The following RSU1 variants were observed in gnomAD, a reference collection of about 807,000 sequenced individuals.
RSU1 encodes the protein rsu-1.
A neutral mutation model predicts 31.1 loss-of-function variants in RSU1; 26 were observed. That is an observed-to-expected ratio of 0.84 (90% CI 0.61 to 1.16). The LOEUF (loss-of-function observed/expected upper bound fraction) is 1.16. RSU1 is among the 50% of genes most tolerant of loss of function. RSU1 has a pLI of 0.00. For missense variants in RSU1, 320 were observed against 339.1 expected (o/e 0.94, Z 0.44); for synonymous variants, 164 against 136.3 (o/e 1.20, Z -1.41).
At position 16,728,352 on chromosome 10, in the gene RSU1, C is replaced by T. The variant is rs562202503; in HGVS notation, c.598+24187G>A. Among the ~76,000 whole-genome samples, 9 of 152,170 alleles carry T rather than the reference C, an allele frequency of 5.9e-5. No homozygotes were observed. In the South Asian group the frequency reaches 1.7e-3, roughly 28 times the overall value. Reference sequence around the variant, plus strand: ...GAGCAAAATAAACTTCATTTCTCCCCAATATGAAGAATAAAAATCAGTCAC... The same window carrying T: ...GAGCAAAATAAACTTCATTTCTCCCTAATATGAAGAATAAAAATCAGTCAC... On this transcript the variant is annotated intron_variant, in intron 7 of 8. Transcript: ENST00000345264.
intron 7 of RSU1, among the ~76,000 whole-genome samples, chr10:16,724,690 T>A (rs1836348321): frequency 1.3e-5 from 2 of 152,184 alleles, no homozygotes; most frequent in Admixed American, 6.5e-5. Context: ...GGGGACATAG[T>A]GCTCACTCAT....
intron 8 of RSU1, among the ~76,000 whole-genome samples, chr10:16,631,885 C>A (rs1177183446): frequency 1.3e-5 from 2 of 152,180 alleles, no homozygotes; most frequent in Non-Finnish European, 2.9e-5. Context: ...CATCCATTTT[C>A]AAGTTTGGAT....
At chr10:16,645,908 ATGTATATATATG>A (rs1834539102) in intron 8 of RSU1, among the ~76,000 whole-genome samples, 4 of 77,826 alleles carry the variant, frequency 5.1e-5, no homozygotes, top group African/African-American at 7.8e-5. Flanking sequence ...ATACACATAT[ATGTATATATATG>A]TGTATATACA....
intron 8 of RSU1, among the ~76,000 whole-genome samples, chr10:16,634,661 G>GGTGTCTT (rs1443308147): frequency 1.3e-5 from 2 of 152,094 alleles, no homozygotes; most frequent in Non-Finnish European, 2.9e-5. Context: ...TGTACACAGA[G>GGTGTCTT]GTGTCTTTCT....
intron 7 of RSU1, among the ~76,000 whole-genome samples, chr10:16,734,684 G>T (rs1390808534): frequency 1.3e-5 from 2 of 152,138 alleles, no homozygotes; most frequent in Admixed American, 1.3e-4. Context: ...GAATAAGCAG[G>T]TGAACAATGC....
intron 4 of RSU1, among the ~76,000 whole-genome samples, chr10:16,763,149 T>C (rs1837243165): frequency 6.6e-6 from 1 of 152,140 alleles, no homozygotes; most frequent in Non-Finnish European, 1.5e-5. Context: ...GAGTGGGCAG[T>C]TTCATCTGAT....
chr10:16,679,887 T>G lies in RSU1; in HGVS notation c.731+15136A>C, dbSNP rs958718715. Among the ~76,000 whole-genome samples the G allele has an allele frequency of 1.1e-4, 17 of 149,440 alleles. 1 individual carries two copies. Among genetic ancestry groups the G allele is most frequent in the East Asian group, 3.9e-4 (2 of 5,094 alleles). On this transcript the variant is annotated intron_variant, in intron 8 of 8. Transcript: ENST00000345264. ...GACTCAAGTTTTTTTTTTTTTTTTT[T>G]TTTTTTTTTTATGAGACAGAGTCTC...
At chr10:16,600,768 G>T (rs1028195844) in intron 8 of RSU1, among the ~76,000 whole-genome samples, 2 of 152,052 alleles carry the variant, frequency 1.3e-5, no homozygotes, top group African/African-American at 4.8e-5. Context: ...TCACTATGTT[G>T]CTAGGCTGGT....
At position 16,690,670 on chromosome 10, in the gene RSU1, C is replaced by T. The variant is rs931196976; in HGVS notation, c.731+4353G>A. 3.3e-5 allele frequency among the ~76,000 whole-genome samples: 5 copies of T among 152,290 alleles called. No individual in the cohort carries two copies. In the South Asian group the frequency reaches 1.0e-3, roughly 32 times the overall value. On this transcript the variant is annotated intron_variant, in intron 8 of 8. Coordinates refer to ENST00000345264, the MANE Select transcript of RSU1 (RefSeq NM_012425.4). ...AGAGCCTATAAATCAGATCATCCAT[C>T]CTCTCTGCCCTAGACTCAGAAGAAC...
chr10:16,700,122 A>G (rs1302696212), intron 7 of RSU1, among the ~76,000 whole-genome samples: 1 of 152,208 alleles, frequency 6.6e-6, no homozygotes, highest in Non-Finnish European at 1.5e-5. Flanking sequence ...ATTCTTCCTG[A>G]GTATTCAAAA....
At chr10:16,659,911 G>C (rs951359886) in intron 8 of RSU1, among the ~76,000 whole-genome samples, 5 of 152,168 alleles carry the variant, frequency 3.3e-5, no homozygotes, top group African/African-American at 1.2e-4. Context: ...GGATTCCAAT[G>C]TTCTAGCGTT....
intron 8 of RSU1, among the ~76,000 whole-genome samples, chr10:16,599,687 G>A (rs937388260): frequency 6.6e-6 from 1 of 152,330 alleles, no homozygotes; most frequent in Non-Finnish European, 1.5e-5. Context: ...CACACAGTAG[G>A]CATTTCAGAA....
intron 7 of RSU1, among the ~76,000 whole-genome samples, chr10:16,697,707 A>G (rs1054501456): frequency 6.6e-6 from 1 of 151,992 alleles, no homozygotes; most frequent in African/African-American, 2.4e-5. Context: ...TGCAAAGTAG[A>G]TGAAAAAAAA....
At chr10:16,640,712 T>G (rs1473289177) in intron 8 of RSU1, among the ~76,000 whole-genome samples, 8 of 152,260 alleles carry the variant, frequency 5.3e-5, no homozygotes, top group Non-Finnish European at 1.0e-4. Flanking sequence ...GTACCTGCCT[T>G]CTCATTCCTT....
chr10:16,754,846 A>G, intron 5 of RSU1, 25 bp downstream of exon 5: 1 of 1,430,826 alleles, frequency 7.0e-7, no homozygotes, highest in African/African-American at 1.4e-5. Context: ...GGTTGAGGAG[A>G]TTTATAGAAT....
At chr10:16,646,657 A>G (rs1834577170) in intron 8 of RSU1, among the ~76,000 whole-genome samples, 1 of 152,224 alleles carries the variant, frequency 6.6e-6, no homozygotes, top group African/African-American at 2.4e-5. Flanking sequence ...TCCAGGGGTT[A>G]CTACATGGCA....
intron 7 of RSU1, among the ~76,000 whole-genome samples, chr10:16,741,217 A>T (rs1435117195): frequency 6.6e-6 from 1 of 152,246 alleles, no homozygotes; most frequent in Admixed American, 6.5e-5. Context: ...AAAAGAGAAC[A>T]GTCTTTTCTA....
intron 4 of RSU1, among the ~76,000 whole-genome samples, chr10:16,763,133 C>G (rs1238824388): frequency 2.0e-5 from 3 of 152,172 alleles, no homozygotes; most frequent in African/African-American, 7.2e-5. Flanking sequence ...ACAGAGACTG[C>G]AGCATGAGTG....
chr10:16,764,853 G>A lies in RSU1; in HGVS notation c.161-343C>T, dbSNP rs558452898. Among the ~76,000 whole-genome samples, 6 of 151,986 alleles carry A rather than the reference G, an allele frequency of 3.9e-5. No individual in the cohort carries two copies. The East Asian group carries it at 1.2e-3, about 29-fold the overall frequency. ...AATATTAAGAAGCATATATACTTAT[G>A]GTTGTCATATACGATCTTCTAAGTG... On this transcript the variant is annotated intron_variant, in intron 3 of 8. Transcript: ENST00000345264.
Sources: gnomAD v4.1 joint callset for allele counts (sites outside exome capture counted in the v4.1 genomes callset) on GRCh38, gnomAD v4.1.1 for gene constraint, MANE v1.5 for transcripts, NCBI Gene and HGNC (gene_info 2026-07-23, HGNC 2026-07-21) for gene names.